The following FAM117B variants were observed in gnomAD, a reference collection of about 807,000 sequenced individuals.
FAM117B encodes protein FAM117B.
FAM117B carries 22 observed loss-of-function variants against 52.8 expected under a neutral mutation model. The observed-to-expected ratio is 0.42, with a 90% confidence interval of 0.30 to 0.59. FAM117B has a LOEUF of 0.59. Among genes scored for constraint, FAM117B ranks in the 20% least tolerant of loss-of-function variants. The pLI, the probability that FAM117B is intolerant of heterozygous loss-of-function variation, is 0.22. For missense variants in FAM117B, 678 were observed against 802.6 expected (o/e 0.84, Z 1.88); for synonymous variants, 309 against 324.1 (o/e 0.95, Z 0.50).
At chr2:202,711,902 A>G (rs908536245) in intron 2 of FAM117B, among the ~76,000 whole-genome samples, 1 of 152,014 alleles carries the variant, frequency 6.6e-6, no homozygotes, top group African/African-American at 2.4e-5. Flanking sequence ...ACTGACCTCT[A>G]TGTGTCTGTT....
intron 1 of FAM117B, among the ~76,000 whole-genome samples, chr2:202,682,240 A>T (rs1038018924): frequency 6.6e-6 from 1 of 152,212 alleles, no homozygotes; most frequent in African/African-American, 2.4e-5. Context: ...GATGCCACGA[A>T]TGTGGGTGCA....
rs557553603 is a variant in FAM117B, at chr2:202,732,723, C to T, written c.960+6360C>T. Among the ~76,000 whole-genome samples the T allele has an allele frequency of 1.7e-3, 257 of 151,954 alleles. 6 individuals are homozygous for T. The highest frequency in any genetic ancestry group is 3.9e-3 in the Admixed American group (60 of 15,252). On this transcript the variant is annotated intron_variant, in intron 4 of 7. Transcript: ENST00000392238. ...GTAGTCCCAGCTACTCGGGAGGCTGCGGCAGGAGAATCACCTGAACCTGGG... is the reference window on the plus strand; with the variant it reads ...GTAGTCCCAGCTACTCGGGAGGCTGTGGCAGGAGAATCACCTGAACCTGGG...
At chr2:202,734,083 C>T (rs1691401407) in intron 4 of FAM117B, among the ~76,000 whole-genome samples, 1 of 152,148 alleles carries the variant, frequency 6.6e-6, no homozygotes, top group Non-Finnish European at 1.5e-5. Flanking sequence ...GTTCGGGTTC[C>T]CTGACTTCCC....
chr2:202,728,478 A>T (rs555595474), intron 4 of FAM117B, among the ~76,000 whole-genome samples: 8 of 152,314 alleles, frequency 5.3e-5, no homozygotes, highest in Admixed American at 1.3e-4. Context: ...TTGAATTTGG[A>T]ATGTTAATTA....
intron 7 of FAM117B, among the ~76,000 whole-genome samples, chr2:202,763,110 C>T (rs1691921112): frequency 1.4e-5 from 2 of 140,264 alleles, no homozygotes; most frequent in Admixed American, 1.5e-4. Flanking sequence ...CTCACTCTGT[C>T]GCCCAGGCTG....
chr2:202,738,889 T>C (rs898035342), intron 4 of FAM117B, among the ~76,000 whole-genome samples: 1 of 152,152 alleles, frequency 6.6e-6, no homozygotes, highest in African/African-American at 2.4e-5. Context: ...CTTCAGTCTT[T>C]TTATAAAACC....
chr2:202,745,836 C>G (rs1691623701), intron 4 of FAM117B, among the ~76,000 whole-genome samples: 1 of 151,984 alleles, frequency 6.6e-6, no homozygotes, highest in Non-Finnish European at 1.5e-5. Context: ...AAGTCAAAAA[C>G]CAAAAAGACA....
chr2:202,725,743 C>T (rs766818785), intron 3 of FAM117B, among the ~76,000 whole-genome samples: 7 of 152,140 alleles, frequency 4.6e-5, no homozygotes, highest in African/African-American at 1.7e-4. Flanking sequence ...ATTTTCATTT[C>T]ACACATAATG....
At chr2:202,640,672 C>T (rs1021737930) in intron 1 of FAM117B, among the ~76,000 whole-genome samples, 8 of 151,566 alleles carry the variant, frequency 5.3e-5, no homozygotes, top group African/African-American at 9.7e-5. Context: ...TGTAGTGGCA[C>T]GATCTCGGCT....
At chr2:202,728,705 G>A (rs1296716003) in intron 4 of FAM117B, among the ~76,000 whole-genome samples, 1 of 152,134 alleles carries the variant, frequency 6.6e-6, no homozygotes, top group Non-Finnish European at 1.5e-5. Context: ...GACTTCAGAA[G>A]TTTCTGAAGT....
chr2:202,660,222 G>C (rs1050557160), intron 1 of FAM117B, among the ~76,000 whole-genome samples: 1 of 151,790 alleles, frequency 6.6e-6, no homozygotes. Context: ...AGCCATCTTA[G>C]GGTTGGTGTC....
chr2:202,740,481 G>T (rs919186229), intron 4 of FAM117B, among the ~76,000 whole-genome samples: 3 of 150,970 alleles, frequency 2.0e-5, no homozygotes, highest in Non-Finnish European at 2.9e-5. Flanking sequence ...TGGTTGCTTT[G>T]CATTATTACT....
chr2:202,727,583 C>T (rs1020866913), intron 4 of FAM117B, among the ~76,000 whole-genome samples: 2 of 151,916 alleles, frequency 1.3e-5, no homozygotes, highest in Non-Finnish European at 2.9e-5. Flanking sequence ...ATAGTATTTA[C>T]ATTGTATTAG....
At chr2:202,699,138 A>C (rs1371180052) in intron 2 of FAM117B, among the ~76,000 whole-genome samples, 1 of 152,076 alleles carries the variant, frequency 6.6e-6, no homozygotes, top group Non-Finnish European at 1.5e-5. Flanking sequence ...ATAAAAAGAA[A>C]ATTTAGATCT....
intron 2 of FAM117B, among the ~76,000 whole-genome samples, chr2:202,709,287 C>G (rs1690924472): frequency 6.6e-6 from 1 of 151,776 alleles, no homozygotes; most frequent in South Asian, 2.1e-4. Context: ...ACTGCAACCT[C>G]TGCCTCCCGG....
intron 2 of FAM117B, among the ~76,000 whole-genome samples, chr2:202,698,356 G>A (rs1690745707): frequency 6.6e-6 from 1 of 152,214 alleles, no homozygotes; most frequent in African/African-American, 2.4e-5. Flanking sequence ...ATACTTTAGT[G>A]CAAACTACAG....
chr2:202,733,586 T>G (rs1476461918), intron 4 of FAM117B, among the ~76,000 whole-genome samples: 1 of 152,310 alleles, frequency 6.6e-6, no homozygotes, highest in East Asian at 1.9e-4. Flanking sequence ...TTCAGTGATA[T>G]CTCTCCTACT....
intron 4 of FAM117B, among the ~76,000 whole-genome samples, chr2:202,737,708 T>C (rs1691463111): frequency 6.6e-6 from 1 of 152,108 alleles, no homozygotes; most frequent in Admixed American, 6.5e-5. Flanking sequence ...TTCAAGCGAT[T>C]TTCCCGCCTC....
At chr2:202,722,830 TAAA>T (rs953661344) in intron 2 of FAM117B, among the ~76,000 whole-genome samples, 2 of 147,284 alleles carry the variant, frequency 1.4e-5, no homozygotes, top group African/African-American at 2.5e-5. Flanking sequence ...ACTTAAAAAT[TAAA>T]AAAAAAAAAT....
Sources: gnomAD v4.1 joint callset for allele counts (sites outside exome capture counted in the v4.1 genomes callset) on GRCh38, gnomAD v4.1.1 for gene constraint, MANE v1.5 for transcripts, NCBI Gene and HGNC (gene_info 2026-07-23, HGNC 2026-07-21) for gene names.